The following GPR160 variants were observed in gnomAD, a reference collection of about 807,000 sequenced individuals.
GPR160 encodes the protein probable G protein-coupled receptor 160.
GPR160 carries 2 observed loss-of-function variants against 2.6 expected under a neutral mutation model. The observed-to-expected ratio is 0.77, with a 90% CI of 0.32 to 2.44. GPR160 has a LOEUF of 2.44. GPR160 is among the 30% of genes most tolerant of loss of function. The probability of loss-of-function intolerance (pLI) is 0.11; values close to 1 mark genes in which losing one functional copy is unlikely to be tolerated. For missense variants in GPR160, 351 were observed against 383.6 expected, an observed-to-expected ratio of 0.91 and a Z score of 0.71; for synonymous variants, 130 against 132.2, an observed-to-expected ratio of 0.98 and a Z score of 0.12.
At chr3:170,083,615 CTCTA>C (rs1174430403) in intron 3 of GPR160, 2 of 159,056 alleles carry the variant, frequency 1.3e-5, no homozygotes, top group African/African-American at 4.8e-5. Context: ...AAAACCATTT[CTCTA>C]TCTAAAAGTT....
chr3:170,042,665 C>CA (rs35357716), intron 2 of GPR160, among the ~76,000 whole-genome samples: 536 of 104,218 alleles, frequency 5.1e-3, no homozygotes, highest in South Asian at 0.012. Context: ...CCCATCTCTA[C>CA]AAAAAAAAAA....
intron 2 of GPR160, among the ~76,000 whole-genome samples, chr3:170,052,353 A>G (rs921998335): frequency 2.0e-5 from 3 of 152,242 alleles, no homozygotes; most frequent in Admixed American, 6.5e-5. Flanking sequence ...ACAGCAGCGT[A>G]TAGGAGTTCT....
chr3:170,084,892 CT>C lies in GPR160; in HGVS notation c.923del (p.Leu308TrpfsTer28). On this transcript the variant is annotated frameshift_variant, in exon 4 of 4. Coordinates refer to ENST00000355897, the MANE Select transcript of GPR160 (RefSeq NM_014373.3). LOFTEE classifies it high-confidence loss of function. ...HKLNLKDIGL[P>X]LDPFVNWKCC... ...CTTAATTTAAAAGACATTGGATTAC[CT>C]TTGGATCCATTTGTCAACTGGAAGT... The C allele has an allele frequency of 6.2e-7, 1 of 1,605,550 alleles. No individual in the cohort carries two copies. The highest frequency in any genetic ancestry group is 8.5e-7 in the Non-Finnish European group (1 of 1,172,802).
chr3:170,063,474 C>T (rs1338845430), intron 2 of GPR160, among the ~76,000 whole-genome samples: 3 of 137,936 alleles, frequency 2.2e-5, no homozygotes, highest in South Asian at 4.8e-4. Flanking sequence ...GTGGAGGTTG[C>T]GGTGAGCCGA....
At chr3:170,059,460 G>A (rs1711824014) in intron 2 of GPR160, among the ~76,000 whole-genome samples, 1 of 152,202 alleles carries the variant, frequency 6.6e-6, no homozygotes, top group South Asian at 2.1e-4. Context: ...GTTGGGCAAT[G>A]CTATCAGTGT....
intron 2 of GPR160, chr3:170,062,898 C>A: frequency 2.6e-6 from 1 of 378,596 alleles, no homozygotes; most frequent in Non-Finnish European, 4.9e-6. Context: ...AGGGAGCTCT[C>A]CCGGGGCGCC....
intron 2 of GPR160, chr3:170,063,216 T>G (rs1388228764): frequency 6.6e-6 from 1 of 152,670 alleles, no homozygotes; most frequent in Non-Finnish European, 1.5e-5. Flanking sequence ...GAACGTTTTG[T>G]GCTTCCCATG....
intron 2 of GPR160, among the ~76,000 whole-genome samples, chr3:170,069,400 G>C (rs950054362): frequency 8.5e-5 from 13 of 152,206 alleles, no homozygotes; most frequent in African/African-American, 2.4e-4. Context: ...CACTGTATGT[G>C]ATTCACCTGA....
At chr3:170,056,371 T>A (rs918690004) in intron 2 of GPR160, among the ~76,000 whole-genome samples, 5 of 152,242 alleles carry the variant, frequency 3.3e-5, no homozygotes, top group African/African-American at 4.8e-5. Context: ...GTAACCTGAT[T>A]TGTTTTCAAG....
intron 2 of GPR160, among the ~76,000 whole-genome samples, chr3:170,061,239 C>T (rs1711934350): frequency 6.7e-6 from 1 of 150,030 alleles, no homozygotes; most frequent in Non-Finnish European, 1.5e-5. Context: ...GGCGCCACTG[C>T]ACTCCAGCCT....
At chr3:170,044,353 T>C in intron 2 of GPR160, among the ~76,000 whole-genome samples, 1 of 127,506 alleles carries the variant, frequency 7.8e-6, no homozygotes, top group East Asian at 2.2e-4. Flanking sequence ...AAGAGAAAAA[T>C]GGGAAAGAGC....
At chr3:170,076,269 T>C (rs1167354094) in intron 2 of GPR160, among the ~76,000 whole-genome samples, 1 of 152,130 alleles carries the variant, frequency 6.6e-6, no homozygotes, top group African/African-American at 2.4e-5. Context: ...ATAAGTAAAA[T>C]AAAAACATTT....
chr3:170,080,443 A>G (rs145266626), intron 3 of GPR160, among the ~76,000 whole-genome samples: 67 of 152,010 alleles, frequency 4.4e-4, no homozygotes, highest in African/African-American at 1.4e-3. Flanking sequence ...TTTTTCTTCT[A>G]GCTTTATGAT....
chr3:170,062,306 G>A (rs1440605639), intron 2 of GPR160: 3 of 200,584 alleles, frequency 1.5e-5, no homozygotes, highest in South Asian at 8.0e-5. Flanking sequence ...CGACGGCCCC[G>A]AGCCCGCAGA....
At chr3:170,044,097 C>T (rs1283329288) in intron 2 of GPR160, among the ~76,000 whole-genome samples, 6 of 151,426 alleles carry the variant, frequency 4.0e-5, no homozygotes, top group African/African-American at 7.3e-5. Flanking sequence ...GGCCAAGGTG[C>T]GGGGATCACC....
At chr3:170,053,304 G>C (rs1717038372) in intron 2 of GPR160, among the ~76,000 whole-genome samples, 1 of 151,846 alleles carries the variant, frequency 6.6e-6, no homozygotes, top group African/African-American at 2.4e-5. Context: ...GGTTTTTTTG[G>C]CAGTGTTTTG....
chr3:170,071,900 G>C (rs1032762726), intron 2 of GPR160, among the ~76,000 whole-genome samples: 1 of 151,482 alleles, frequency 6.6e-6, no homozygotes, highest in Non-Finnish European at 1.5e-5. Context: ...CTTTTTTTTT[G>C]AGGCTTTTCC....
chr3:170,044,856 C>G (rs188170172), intron 2 of GPR160, among the ~76,000 whole-genome samples: 1 of 152,112 alleles, frequency 6.6e-6, no homozygotes, highest in Non-Finnish European at 1.5e-5. Context: ...AGGCACAGCC[C>G]CCCAAGAAAG....
chr3:170,045,447 A>AAAAAAAAAAC, intron 2 of GPR160, among the ~76,000 whole-genome samples: 1 of 117,352 alleles, frequency 8.5e-6, no homozygotes, highest in Non-Finnish European at 1.7e-5. Flanking sequence ...AAAAAAAAAA[A>AAAAAAAAAAC]CCAATTAGCC....
Sources: allele counts gnomAD v4.1 joint callset (sites outside exome capture counted in the v4.1 genomes callset), GRCh38; gene constraint gnomAD v4.1.1; transcripts MANE v1.5; gene names NCBI Gene and HGNC (gene_info 2026-07-23, HGNC 2026-07-21).